The following MTAP variants were observed in gnomAD, a reference collection of about 807,000 sequenced individuals.
The protein encoded by MTAP is methylthioadenosine phosphorylase, also known as S-methyl-5'-thioadenosine phosphorylase.
In MTAP, 33 loss-of-function variants were observed where a neutral mutation model predicts 33.6. The ratio of observed to expected loss-of-function variants is 0.98; its 90% CI spans 0.74 to 1.31. MTAP has a LOEUF of 1.31. Ranked by LOEUF, MTAP falls within the 40% of genes most tolerant of loss-of-function variation. The pLI is 0.00. For missense variants in MTAP, 367 were observed against 360.0 expected (o/e 1.02, Z -0.16); for synonymous variants, 148 against 125.7 (o/e 1.18, Z -1.19).
At chr9:21,877,574 T>C (rs1826031231) in intron 1 of MTAP, among the ~76,000 whole-genome samples, 1 of 152,192 alleles carries the variant, frequency 6.6e-6, no homozygotes. Context: ...TGAAGTGATG[T>C]TCAATTTTAT....
downstream of MTAP, chr9:21,935,742 T>G (rs1819031573): frequency 6.6e-6 from 1 of 152,190 alleles, no homozygotes; most frequent in South Asian, 2.1e-4. Flanking sequence ...ACTGGAAGAC[T>G]TAGTTTTAGT....
chr9:21,826,970 A>T (rs575089324), intron 4 of MTAP, among the ~76,000 whole-genome samples: 9 of 152,134 alleles, frequency 5.9e-5, no homozygotes, highest in Non-Finnish European at 1.3e-4. Flanking sequence ...TGCACTCCTT[A>T]TGAAAATCTA....
chr9:21,904,884 T>C (rs1818449831), intron 1 of MTAP, among the ~76,000 whole-genome samples: 1 of 152,202 alleles, frequency 6.6e-6, no homozygotes, highest in Non-Finnish European at 1.5e-5. Context: ...CCTTAGTGAA[T>C]ATGAAATGGG....
intron 1 of MTAP, chr9:21,929,572 TC>T: frequency 2.7e-6 from 1 of 366,062 alleles, no homozygotes; most frequent in Non-Finnish European, 5.7e-6. Context: ...ATCCCCTTAC[TC>T]CACCAAATGC....
intron 1 of MTAP, among the ~76,000 whole-genome samples, chr9:21,926,704 A>C (rs996043135): frequency 3.9e-5 from 6 of 152,200 alleles, no homozygotes; most frequent in African/African-American, 1.2e-4. Flanking sequence ...TACAGTACAT[A>C]GATGACAGAT....
intron 1 of MTAP, among the ~76,000 whole-genome samples, chr9:21,901,554 T>G (rs971866688): frequency 9.2e-5 from 14 of 152,158 alleles, no homozygotes; most frequent in African/African-American, 3.4e-4. Flanking sequence ...GATTATTAAC[T>G]ATAAAACCTA....
At chr9:21,934,830 AG>A (rs1479458305), downstream of MTAP, 3 of 151,938 alleles carry the variant, frequency 2.0e-5, no homozygotes, top group African/African-American at 7.3e-5. This position sits in a 1 kb window ranked among gnomAD's most constrained non-coding sequence, Gnocchi z 5.0. Context: ...CCTCCTGAGT[AG>A]CTGGGATTAC....
intron 1 of MTAP, among the ~76,000 whole-genome samples, chr9:21,909,293 A>G (rs928379802): frequency 8.5e-5 from 13 of 152,078 alleles, no homozygotes; most frequent in Middle Eastern, 3.2e-3. Context: ...TAAAAAAAAT[A>G]TTGTGCCACT....
rs771735380 is a variant in MTAP at position 21,802,879 on chromosome 9, C to A, written c.33+98C>A. On this transcript the variant is annotated intron_variant, in intron 1 of 7. Transcript: ENST00000644715. ...GCCTCCGGGGGCCATGCGCCCGGCC[C>A]GTGCGTCCCTTGCCGCCGCGGGGAG... 2.0e-6 allele frequency: 3 copies of A among 1,523,734 alleles called. No individual in the cohort carries two copies. The Admixed American group carries it at 6.6e-5, about 33-fold the overall frequency. 94.4% of individuals were successfully genotyped at this position (1,523,734 alleles called of 1,614,324 possible). A position where few individuals can be genotyped will look rare whatever the true frequency, so the allele number is the denominator to read the frequency against.
rs1018986801 is a variant in MTAP, at chr9:21,837,035, A to G, written c.348-873A>G. ...CTGTGTTACTCATCAGTTCAAATTT[A>G]GAATAATTGAATGCACAGAGAAAGT... On this transcript the variant is annotated intron_variant, in intron 4 of 7. Coordinates refer to ENST00000644715, the MANE Select transcript of MTAP (RefSeq NM_002451.4). 3.9e-5 allele frequency among the ~76,000 whole-genome samples: 6 copies of G among 152,230 alleles called. No individual in the cohort carries two copies. The South Asian group carries it at 1.0e-3, about 26-fold the overall frequency.
chr9:21,848,925 C>G (rs1825444333), intron 5 of MTAP, among the ~76,000 whole-genome samples: 1 of 152,150 alleles, frequency 6.6e-6, no homozygotes, highest in Non-Finnish European at 1.5e-5. Context: ...GCAGCAGAGG[C>G]AAAGCGGCAA....
intron 1 of MTAP, among the ~76,000 whole-genome samples, chr9:21,807,292 TTTG>T (rs1415503783): frequency 2.0e-5 from 3 of 152,116 alleles, no homozygotes; most frequent in African/African-American, 7.2e-5. Context: ...CAAGTCATGG[TTTG>T]TAGACTGTGG....
intron 1 of MTAP, among the ~76,000 whole-genome samples, chr9:21,899,322 T>G (rs1167800431): frequency 1.3e-5 from 2 of 150,794 alleles, no homozygotes; most frequent in African/African-American, 4.9e-5. Flanking sequence ...ACATGGCACA[T>G]GTATACATAT....
chr9:21,844,531 A>G (rs1825328979), intron 5 of MTAP, among the ~76,000 whole-genome samples: 1 of 152,222 alleles, frequency 6.6e-6, no homozygotes, highest in African/African-American at 2.4e-5. Flanking sequence ...ATAATACACC[A>G]TGGTCAAGTG....
chr9:21,920,209 A>G (rs575669044), intron 1 of MTAP, among the ~76,000 whole-genome samples: 2 of 152,250 alleles, frequency 1.3e-5, no homozygotes, highest in African/African-American at 4.8e-5. Flanking sequence ...AGGAGGGAGT[A>G]TATTCTGAAC....
intron 4 of MTAP, among the ~76,000 whole-genome samples, chr9:21,829,253 C>G (rs941009939): frequency 3.3e-5 from 5 of 152,122 alleles, no homozygotes; most frequent in Non-Finnish European, 5.9e-5. Context: ...AAAGCCACCC[C>G]GTGGATTATA....
intron 5 of MTAP, among the ~76,000 whole-genome samples, chr9:21,840,384 A>C (rs1326699579): frequency 6.6e-6 from 1 of 152,246 alleles, no homozygotes; most frequent in Admixed American, 6.5e-5. Flanking sequence ...GAAGTGGCAC[A>C]CCACTGCAAA....
intron 5 of MTAP, among the ~76,000 whole-genome samples, chr9:21,845,199 A>G (rs1825348645): frequency 6.6e-6 from 1 of 152,210 alleles, no homozygotes; most frequent in Non-Finnish European, 1.5e-5. Flanking sequence ...AGACAAGAGA[A>G]AGAAATAAAG....
At chr9:21,889,923 G>A (rs953266300) in intron 1 of MTAP, among the ~76,000 whole-genome samples, 1 of 152,162 alleles carries the variant, frequency 6.6e-6, no homozygotes, top group African/African-American at 2.4e-5. Context: ...TCTCAAGACA[G>A]CATTAGCTGA....
Sources: gnomAD v4.1 joint callset for allele counts (sites outside exome capture counted in the v4.1 genomes callset) on GRCh38, gnomAD v4.1.1 for gene constraint, Gnocchi (gnomAD v3.1) non-coding constraint, MANE v1.5 for transcripts, NCBI Gene and HGNC (gene_info 2026-07-23, HGNC 2026-07-21) for gene names.